Variants in PVT1 observed in about 807,000 individuals in gnomAD.
PVT1 encodes the protein CXCR4/PVT1 fusion.
At chr8:127,806,021 A>G (rs1414650976) in intron 2 of PVT1, among the ~76,000 whole-genome samples, 1 of 152,274 alleles carries the variant, frequency 6.6e-6, no homozygotes, top group Non-Finnish European at 1.5e-5. Context: ...GCCAAATACA[A>G]GACTTAGAAG....
At chr8:128,017,218 T>C (rs1012841886) in intron 4 of PVT1, among the ~76,000 whole-genome samples, 8 of 152,176 alleles carry the variant, frequency 5.3e-5, no homozygotes, top group Non-Finnish European at 1.0e-4. Flanking sequence ...CTCTCACCCT[T>C]GTATGGAGGT....
chr8:127,955,377 A>G (rs931133867), intron 3 of PVT1, among the ~76,000 whole-genome samples: 3 of 152,158 alleles, frequency 2.0e-5, no homozygotes, highest in Non-Finnish European at 1.5e-5. Context: ...CTCCTTTTTT[A>G]TGGCAGCCCT....
chr8:127,813,463 C>T (rs1814624703), intron 2 of PVT1, among the ~76,000 whole-genome samples: 1 of 151,886 alleles, frequency 6.6e-6, no homozygotes, highest in South Asian at 2.1e-4. Context: ...TTTGTAAATG[C>T]CTCCCCTAGA....
chr8:127,907,220 C>T (rs1815833596), intron 3 of PVT1, among the ~76,000 whole-genome samples: 3 of 151,948 alleles, frequency 2.0e-5, no homozygotes, highest in Non-Finnish European at 2.9e-5. Flanking sequence ...CTGCCAGCCT[C>T]GGCCTCCCAA....
At chr8:127,973,885 C>G (rs1816792271) in intron 3 of PVT1, among the ~76,000 whole-genome samples, 1 of 151,278 alleles carries the variant, frequency 6.6e-6, no homozygotes, top group Non-Finnish European at 1.5e-5. Context: ...GAGGCTGAGG[C>G]AGGAGAATGG....
chr8:127,996,360 G>A (rs529284495), intron 4 of PVT1, among the ~76,000 whole-genome samples: 34 of 151,550 alleles, frequency 2.2e-4, no homozygotes, highest in Non-Finnish European at 4.6e-4. Flanking sequence ...GCTTGGAACT[G>A]TTTCCTTTTT....
At chr8:127,856,796 G>A (rs944378787) in intron 2 of PVT1, among the ~76,000 whole-genome samples, 3 of 152,206 alleles carry the variant, frequency 2.0e-5, no homozygotes, top group African/African-American at 4.8e-5. Context: ...ACTGGTCCTG[G>A]CTACACAGCC....
At chr8:127,929,931 T>C (rs1388791853) in intron 3 of PVT1, among the ~76,000 whole-genome samples, 1 of 152,222 alleles carries the variant, frequency 6.6e-6, no homozygotes, top group Non-Finnish European at 1.5e-5. Context: ...GTTACGTATC[T>C]GTGTCAGCTT....
At chr8:127,823,673 C>T (rs532028935) in intron 2 of PVT1, among the ~76,000 whole-genome samples, 28 of 152,326 alleles carry the variant, frequency 1.8e-4, no homozygotes, top group African/African-American at 6.5e-4. Context: ...TTGTACTTCC[C>T]ATTTTCCCCC....
At chr8:127,958,621 G>T (rs1301152272) in intron 3 of PVT1, among the ~76,000 whole-genome samples, 3 of 152,174 alleles carry the variant, frequency 2.0e-5, no homozygotes, top group Non-Finnish European at 4.4e-5. Flanking sequence ...GGAAACTGAG[G>T]CTCAGAGAGG....
chr8:128,088,558 A>G (rs766046503), intron 5 of PVT1, among the ~76,000 whole-genome samples: 1 of 152,146 alleles, frequency 6.6e-6, no homozygotes, highest in Non-Finnish European at 1.5e-5. Context: ...ACTATTGTTA[A>G]CTTCTAGTTT....
intron 5 of PVT1, among the ~76,000 whole-genome samples, chr8:128,088,247 C>T (rs555587254): frequency 5.3e-5 from 8 of 152,300 alleles, no homozygotes; most frequent in Non-Finnish European, 1.2e-4. Flanking sequence ...GGAGGTCTTC[C>T]TGTCTAAGCA....
chr8:128,025,261 C>T (rs915005717), intron 4 of PVT1, among the ~76,000 whole-genome samples: 19 of 152,116 alleles, frequency 1.2e-4, no homozygotes, highest in African/African-American at 2.7e-4. Flanking sequence ...CCTGGGTGTT[C>T]GGGGCCTCGG....
exon 1 of PVT1, chr8:127,794,715 A>G (rs1175037783): frequency 1.3e-5 from 2 of 153,294 alleles, no homozygotes; most frequent in Middle Eastern, 3.1e-3. Context: ...CTGTGGAGAC[A>G]CGGCCAGATC....
At chr8:128,004,634 C>T (rs1301124514) in intron 4 of PVT1, among the ~76,000 whole-genome samples, 2 of 152,202 alleles carry the variant, frequency 1.3e-5, no homozygotes, top group Non-Finnish European at 2.9e-5. Flanking sequence ...GGTCCTGCTA[C>T]AGGGAGAAGC....
chr8:127,962,936 C>T (rs769979458), intron 3 of PVT1, among the ~76,000 whole-genome samples: 43 of 152,120 alleles, frequency 2.8e-4, no homozygotes, highest in Non-Finnish European at 5.4e-4. Context: ...AAGGAGCAGT[C>T]CCTATTTTAC....
intron 4 of PVT1, among the ~76,000 whole-genome samples, chr8:128,025,550 C>T (rs1486371587): frequency 6.6e-6 from 1 of 152,188 alleles, no homozygotes; most frequent in Admixed American, 6.5e-5. Context: ...ATTCCCAGAC[C>T]ATTTGGGCCA....
chr8:128,096,007 AT>A (rs1814425067), intron 5 of PVT1, among the ~76,000 whole-genome samples: 1 of 152,176 alleles, frequency 6.6e-6, no homozygotes, highest in South Asian at 2.1e-4. Context: ...TGGTATATTC[AT>A]TAGGGATTAA....
At chr8:128,040,879 C>T (rs947368043) in intron 4 of PVT1, among the ~76,000 whole-genome samples, 1 of 148,148 alleles carries the variant, frequency 6.8e-6, no homozygotes, top group Admixed American at 6.8e-5. Context: ...TGTTTACGTG[C>T]ATGTGTTTGT....
Sources: gnomAD v4.1 joint callset for allele counts (sites outside exome capture counted in the v4.1 genomes callset) on GRCh38, gnomAD v4.1.1 for gene constraint, MANE v1.5 for transcripts, NCBI Gene and HGNC (gene_info 2026-07-23, HGNC 2026-07-21) for gene names.